The following SH3RF2 variants were observed in gnomAD, a reference collection of about 807,000 sequenced individuals.
The protein encoded by SH3RF2 is E3 ubiquitin-protein ligase SH3RF2.
A neutral mutation model predicts 59.0 loss-of-function variants in SH3RF2; 43 were observed. That is an observed-to-expected ratio of 0.73 (90% confidence interval 0.57 to 0.94). SH3RF2 has a LOEUF of 0.94. Among genes scored for constraint, SH3RF2 ranks in the 40% least tolerant of loss-of-function variants. SH3RF2 has a pLI of 0.00. For missense variants in SH3RF2, 930 were observed against 940.1 expected, an observed-to-expected ratio of 0.99 and a Z score of 0.14; for synonymous variants, 391 against 391.5, an observed-to-expected ratio of 1.00 and a Z score of 0.01.
chr5:146,028,620 T>C (rs967130510), intron 5 of SH3RF2, among the ~76,000 whole-genome samples: 2 of 152,202 alleles, frequency 1.3e-5, no homozygotes, highest in Non-Finnish European at 2.9e-5. Flanking sequence ...CACCCACCTG[T>C]GGCAACAACA....
intron 9 of SH3RF2, among the ~76,000 whole-genome samples, chr5:146,076,171 T>C (rs1763339009): frequency 6.6e-6 from 1 of 152,172 alleles, no homozygotes; most frequent in Non-Finnish European, 1.5e-5. Context: ...GCCCCTCACT[T>C]GTTCTCAGAA....
chr5:145,962,886 C>A (rs1340399173), intron 2 of SH3RF2, among the ~76,000 whole-genome samples: 1 of 143,150 alleles, frequency 7.0e-6, no homozygotes, highest in Admixed American at 7.0e-5. Context: ...TGTATTATTC[C>A]ACTTTTTTTT....
chr5:146,002,176 C>A (rs765666988), intron 3 of SH3RF2, among the ~76,000 whole-genome samples: 4 of 152,196 alleles, frequency 2.6e-5, no homozygotes, highest in African/African-American at 9.6e-5. Context: ...AACCTCCTGG[C>A]ACGGTGGCTC....
chr5:146,080,383 T>C (rs1186465850), exon 10 of SH3RF2: 3 of 152,216 alleles, frequency 2.0e-5, no homozygotes, highest in Non-Finnish European at 4.4e-5. Flanking sequence ...TTTTTTTAAG[T>C]ACAGTGTTTT....
intron 2 of SH3RF2, among the ~76,000 whole-genome samples, chr5:145,999,787 A>G (rs1473922843): frequency 6.6e-6 from 1 of 152,144 alleles, no homozygotes; most frequent in Non-Finnish European, 1.5e-5. Flanking sequence ...AGATCACCAT[A>G]GCAGATATAA....
intron 5 of SH3RF2, among the ~76,000 whole-genome samples, chr5:146,047,152 G>GGT (rs1034868328): frequency 1.1e-5 from 1 of 90,076 alleles, no homozygotes; most frequent in African/African-American, 3.7e-5. Context: ...TCATTGGATA[G>GGT]GCGTGTGTGT....
intron 2 of SH3RF2, among the ~76,000 whole-genome samples, chr5:145,992,307 G>A (rs1450003675): frequency 6.6e-6 from 1 of 152,162 alleles, no homozygotes; most frequent in Non-Finnish European, 1.5e-5. Context: ...CTGGGAGGTT[G>A]AGGCTACAGA....
intron 2 of SH3RF2, among the ~76,000 whole-genome samples, chr5:145,948,396 A>C (rs1758071645): frequency 6.6e-6 from 1 of 152,224 alleles, no homozygotes; most frequent in Non-Finnish European, 1.5e-5. Context: ...TTGGGTGGTG[A>C]GTCCTGGCCT....
At chr5:146,025,519 T>TG (rs1160265924) in intron 5 of SH3RF2, among the ~76,000 whole-genome samples, 2 of 152,236 alleles carry the variant, frequency 1.3e-5, no homozygotes, top group East Asian at 1.9e-4. Context: ...AAGATTGATG[T>TG]GGGGTTGAAT....
chr5:145,950,060 A>G (rs1364269157), intron 2 of SH3RF2, among the ~76,000 whole-genome samples: 2 of 142,312 alleles, frequency 1.4e-5, no homozygotes, highest in East Asian at 2.1e-4. Context: ...GAAAGGAGCC[A>G]AAGAAAGGTG....
intron 2 of SH3RF2, chr5:145,997,817 C>G: frequency 6.7e-7 from 1 of 1,486,962 alleles, no homozygotes; most frequent in Non-Finnish European, 9.4e-7. Flanking sequence ...TAGGATCCCC[C>G]GCCGAAATAG....
chr5:146,021,362 T>C (rs918729424), intron 5 of SH3RF2, among the ~76,000 whole-genome samples: 1 of 152,188 alleles, frequency 6.6e-6, no homozygotes, highest in East Asian at 1.9e-4. Flanking sequence ...ATATTTCTTT[T>C]ATTTTACAAT....
At chr5:145,961,577 C>T (rs1451941358) in intron 2 of SH3RF2, among the ~76,000 whole-genome samples, 1 of 152,124 alleles carries the variant, frequency 6.6e-6, no homozygotes, top group Non-Finnish European at 1.5e-5. Flanking sequence ...ATCTGAAAAA[C>T]AGTAGTCTGG....
chr5:145,967,521 A>G (rs555232344), intron 2 of SH3RF2, among the ~76,000 whole-genome samples: 1 of 152,392 alleles, frequency 6.6e-6, no homozygotes, highest in East Asian at 1.9e-4. Flanking sequence ...CTGTGATTAC[A>G]AAGATTAGAA....
intron 2 of SH3RF2, chr5:145,998,133 C>T (rs539684358): frequency 4.4e-5 from 20 of 455,934 alleles, no homozygotes; most frequent in South Asian, 2.9e-4. Flanking sequence ...CAAGTTTTTC[C>T]CTTACCTCTC....
chr5:146,049,041 C>T, intron 6 of SH3RF2, 34 bp from the exon 7 acceptor site: 1 of 1,613,328 alleles, frequency 6.2e-7, no homozygotes, highest in Middle Eastern at 1.7e-4. Flanking sequence ...GCACGTCTTC[C>T]TTCCTCCCTC....
chr5:146,043,460 T>C (rs1376047785), intron 5 of SH3RF2, among the ~76,000 whole-genome samples: 1 of 152,168 alleles, frequency 6.6e-6, no homozygotes, highest in Non-Finnish European at 1.5e-5. Flanking sequence ...TGTATTCACG[T>C]TTTTTAACAG....
At chr5:145,988,774 T>A (rs1335060408) in intron 2 of SH3RF2, among the ~76,000 whole-genome samples, 2 of 152,288 alleles carry the variant, frequency 1.3e-5, no homozygotes, top group African/African-American at 4.8e-5. Flanking sequence ...CAGAAGTGGA[T>A]CATCTGGGAT....
chr5:145,976,495 C>T lies in SH3RF2; in HGVS notation c.379-23563C>T, dbSNP rs1338640656. On this transcript the variant is annotated intron_variant, in intron 2 of 9. Coordinates refer to ENST00000359120, the MANE Select transcript of SH3RF2 (RefSeq NM_152550.4). The stretch of plus-strand genomic sequence containing the variant: ...TTTTGGAAACGCACTTGCCTAAAGG[C>T]TAAAACACTGACTGCTTGGAAACCA... 5.3e-5 allele frequency among the ~76,000 whole-genome samples: 8 copies of T among 151,154 alleles called. No individual in the cohort carries two copies. In the East Asian group the frequency reaches 1.5e-3, roughly 29 times the overall value.
Sources: gnomAD v4.1 joint callset for allele counts (sites outside exome capture counted in the v4.1 genomes callset) on GRCh38, gnomAD v4.1.1 for gene constraint, MANE v1.5 for transcripts, NCBI Gene and HGNC (gene_info 2026-07-23, HGNC 2026-07-21) for gene names.